Variants in ELP4 observed in about 807,000 individuals in gnomAD.
ELP4 encodes the protein elongator acetyltransferase complex subunit 4, also known as elongator complex protein 4.
Under a neutral mutation model 48.9 loss-of-function variants are expected in ELP4, and 51 were observed. The observed-to-expected ratio is 1.04, with a 90% CI of 0.83 to 1.32. ELP4 has a LOEUF of 1.32. ELP4 is among the 40% of genes most tolerant of loss of function. The pLI, the probability that ELP4 is intolerant of heterozygous loss-of-function variation, is 0.00. For missense variants in ELP4, 519 were observed against 514.6 expected (o/e 1.01, Z -0.08); for synonymous variants, 210 against 189.2 (o/e 1.11, Z -0.90).
chr11:31,578,429 G>GA (rs1957326043), intron 3 of ELP4, among the ~76,000 whole-genome samples: 1 of 152,078 alleles, frequency 6.6e-6, no homozygotes, highest in Non-Finnish European at 1.5e-5. Flanking sequence ...CACAAAAGGA[G>GA]AAAAAACTGC....
At chr11:31,617,558 A>G (rs896930161) in intron 5 of ELP4, among the ~76,000 whole-genome samples, 1 of 152,066 alleles carries the variant, frequency 6.6e-6, no homozygotes, top group Non-Finnish European at 1.5e-5. Flanking sequence ...TGGTTAAGAT[A>G]GTAAATTTTA....
At chr11:31,547,262 G>A (rs371515357) in intron 3 of ELP4, among the ~76,000 whole-genome samples, 1 of 151,988 alleles carries the variant, frequency 6.6e-6, no homozygotes, top group East Asian at 1.9e-4. Flanking sequence ...GAAAAAAAGA[G>A]AGAAGAATCA....
At chr11:31,561,362 T>G (rs1167484720) in intron 3 of ELP4, among the ~76,000 whole-genome samples, 11 of 152,336 alleles carry the variant, frequency 7.2e-5, no homozygotes, top group Non-Finnish European at 1.0e-4. Context: ...ATGCCAAAGT[T>G]CATTCTTGTC....
At position 31,510,010 on chromosome 11, in the gene ELP4, C is replaced by T; in HGVS notation, c.223+3C>T. ...CCCAGCCCTAGACCAGCTCTTAGGT[C>T]GGTTCAGAGCGGAGATCTGGGCTCA... On this transcript the variant is annotated splice_donor_region_variant and intron_variant, in intron 1 of 9. Transcript: ENST00000640961. 1.2e-6 allele frequency: 2 copies of T among 1,607,052 alleles called. No individual in the cohort carries two copies. The highest frequency in any genetic ancestry group is 2.2e-4 in the Middle Eastern group (1 of 4,492).
At chr11:31,591,643 C>T (rs947329740) in intron 3 of ELP4, among the ~76,000 whole-genome samples, 5 of 152,056 alleles carry the variant, frequency 3.3e-5, no homozygotes, top group East Asian at 1.9e-4. Context: ...ATGGAACCCA[C>T]GTACATTGTT....
At chr11:31,656,439 G>A (rs1405091494) in intron 9 of ELP4, among the ~76,000 whole-genome samples, 4 of 151,882 alleles carry the variant, frequency 2.6e-5, no homozygotes, top group South Asian at 2.1e-4. Flanking sequence ...TCATCAACAC[G>A]TAGGATATGA....
In ELP4 at chr11:31,579,283, G is replaced by C. The variant is rs192104080; in HGVS notation, c.382-15487G>C. On this transcript the variant is annotated intron_variant, in intron 3 of 9. Coordinates refer to ENST00000640961, the MANE Select transcript of ELP4 (RefSeq NM_019040.5). ...TGGCGATCATTAAAAAGTCAGGAAA[G>C]AACAGGTGCTGGAGAGGATGTGGAG... is the stretch of plus-strand genomic sequence containing the variant. Among the ~76,000 whole-genome samples the C allele has an allele frequency of 2.7e-4, 41 of 152,216 alleles. 1 individual carries two copies. Among genetic ancestry groups the C allele is most frequent in the Admixed American group, 3.9e-4 (6 of 15,284 alleles).
intron 9 of ELP4, among the ~76,000 whole-genome samples, chr11:31,772,580 G>C (rs1313767202): frequency 1.3e-5 from 2 of 152,134 alleles, no homozygotes; most frequent in African/African-American, 4.8e-5. Flanking sequence ...GCTTAGAAAA[G>C]TTCTGGCACA....
chr11:31,647,789 G>A lies in ELP4; in HGVS notation c.976G>A (p.Gly326Ser), dbSNP rs1231158314. 6.2e-7 allele frequency: 1 copy of A among 1,609,702 alleles called. No homozygotes were observed. The highest frequency in any genetic ancestry group is 1.7e-5 in the Admixed American group (1 of 59,764). ...CACAACCTTGTCAGATGTAGTAGTT[G>A]GTCTGGAATCATTTATTGGTTCTGA... ...RVTTLSDVVV[G>S]LESFIGSERE... The change falls in exon 8 of 10, where the codon GGT (glycine) becomes AGT (serine). Residue 326 changes from glycine (G) to serine (S), a missense_variant. Physicochemically the swap from Gly to Ser is moderately conservative, Grantham distance 56. Transcript: ENST00000640961.
chr11:31,568,001 T>C (rs1957140029), intron 3 of ELP4, among the ~76,000 whole-genome samples: 1 of 152,190 alleles, frequency 6.6e-6, no homozygotes, highest in Non-Finnish European at 1.5e-5. Flanking sequence ...GATTTGGGTC[T>C]GTACAAGTGA....
In ELP4 at chr11:31,784,367, ATTGG is replaced by A. The variant is rs1296257144; in HGVS notation, c.*847_*850del. 6.6e-6 allele frequency: 1 copy of A among 152,192 alleles called. No individual in the cohort carries two copies. The highest frequency in any genetic ancestry group is 2.4e-5 in the African/African-American group (1 of 41,466). 9.4% of individuals were successfully genotyped at this position (152,192 alleles called of 1,614,324 possible). A position where few individuals can be genotyped will look rare whatever the true frequency, so the allele number is the denominator to read the frequency against. Reference sequence around the variant, plus strand: ...CATAAATATTTTGTTAATAATGAACATTGGTTGAGTGTGTAAATTTCTAACCATG... The same window carrying A: ...CATAAATATTTTGTTAATAATGAACATTGAGTGTGTAAATTTCTAACCATG... On this transcript the variant is annotated 3_prime_UTR_variant, in exon 10 of 10. Coordinates refer to ENST00000640961, the MANE Select transcript of ELP4 (RefSeq NM_019040.5).
chr11:31,615,922 A>G (rs1354344335), intron 5 of ELP4, among the ~76,000 whole-genome samples: 2 of 152,224 alleles, frequency 1.3e-5, no homozygotes, highest in Middle Eastern at 3.4e-3. Context: ...GGGATTGATC[A>G]TAACTAAGTT....
intron 9 of ELP4, among the ~76,000 whole-genome samples, chr11:31,703,936 T>G (rs1946576948): frequency 6.6e-6 from 1 of 152,154 alleles, no homozygotes; most frequent in Admixed American, 6.5e-5. Flanking sequence ...AAAATTAAAA[T>G]TCAAAAATGT....
At chr11:31,586,218 G>C (rs1957470619) in intron 3 of ELP4, among the ~76,000 whole-genome samples, 1 of 152,106 alleles carries the variant, frequency 6.6e-6, no homozygotes, top group Non-Finnish European at 1.5e-5. Flanking sequence ...ACTGCGTGAA[G>C]TTTTACCACT....
At chr11:31,683,599 T>C (rs1371438092) in intron 9 of ELP4, among the ~76,000 whole-genome samples, 1 of 152,170 alleles carries the variant, frequency 6.6e-6, no homozygotes, top group Non-Finnish European at 1.5e-5. Flanking sequence ...CATGGGCATT[T>C]TAAGATTAAT....
intron 3 of ELP4, among the ~76,000 whole-genome samples, chr11:31,554,930 T>C (rs1335561202): frequency 1.3e-5 from 2 of 152,312 alleles, no homozygotes; most frequent in East Asian, 1.9e-4. Context: ...AGATTTTATA[T>C]TCAATATGTT....
In ELP4 at chr11:31,560,761, G is replaced by A. The variant is rs374149349; in HGVS notation, c.381+20978G>A. ...ATTGTTTTGTATATATATACGTACA[G>A]TCATGTACCACATAATGTTTCAGTC... On this transcript the variant is annotated intron_variant, in intron 3 of 9. Transcript: ENST00000640961. Among the ~76,000 whole-genome samples, 6 of 75,852 alleles carry A rather than the reference G, an allele frequency of 7.9e-5. No individual in the cohort carries two copies. In the East Asian group the frequency reaches 1.5e-3, roughly 20 times the overall value. 49.8% of individuals were successfully genotyped at this position (75,852 alleles called of 152,430 possible).
intron 9 of ELP4, among the ~76,000 whole-genome samples, chr11:31,693,750 A>G (rs528289683): frequency 4.6e-5 from 7 of 152,296 alleles, no homozygotes; most frequent in African/African-American, 1.7e-4. Flanking sequence ...GTCTTCCACA[A>G]TGGTTGAACT....
intron 9 of ELP4, among the ~76,000 whole-genome samples, chr11:31,769,690 T>G (rs1385295902): frequency 6.6e-6 from 1 of 152,166 alleles, no homozygotes; most frequent in African/African-American, 2.4e-5. Flanking sequence ...GCTTTCAGAT[T>G]ATAGTAAGAA....
Sources: gnomAD v4.1 joint callset for allele counts (sites outside exome capture counted in the v4.1 genomes callset) on GRCh38, gnomAD v4.1.1 for gene constraint, MANE v1.5 for transcripts, NCBI Gene and HGNC (gene_info 2026-07-23, HGNC 2026-07-21) for gene names.